TMPRSS15: variants seen among roughly 807,000 people sequenced by gnomAD.
The protein encoded by TMPRSS15 is enteropeptidase.
Under a neutral mutation model 125.3 loss-of-function variants are expected in TMPRSS15, and 128 were observed. The observed-to-expected ratio is 1.02, with a 90% CI of 0.89 to 1.18. The LOEUF is 1.18. TMPRSS15 is among the 50% of genes most tolerant of loss of function. The pLI, the probability that TMPRSS15 is intolerant of heterozygous loss-of-function variation, is 0.00. For synonymous variants in TMPRSS15, 446 were observed against 423.2 expected, an observed-to-expected ratio of 1.05 and a Z score of -0.66; for missense variants, 1,283 against 1,212.7, an observed-to-expected ratio of 1.06 and a Z score of -0.86.
At chr21:18,310,953 T>C (rs1481175560) in intron 18 of TMPRSS15, among the ~76,000 whole-genome samples, 1 of 126,266 alleles carries the variant, frequency 7.9e-6, no homozygotes, top group African/African-American at 3.3e-5. Flanking sequence ...TTTTTTTTTT[T>C]TAACAAAGGC....
chr21:18,301,535 C>T (rs921334495), intron 18 of TMPRSS15, among the ~76,000 whole-genome samples: 9 of 152,176 alleles, frequency 5.9e-5, no homozygotes, highest in Non-Finnish European at 7.3e-5. Flanking sequence ...TATTTAAGCA[C>T]GCACCTGAGG....
rs1284791051 is a variant in TMPRSS15 at position 18,478,043 on chromosome 21, C to T, written c.10+7756G>A. 2.0e-5 allele frequency among the ~76,000 whole-genome samples: 3 copies of T among 152,116 alleles called. No individual in the cohort carries two copies. In the South Asian group the frequency reaches 6.2e-4, roughly 32 times the overall value. On this transcript the variant is annotated intron_variant, in intron 1 of 7. Coordinates refer to the TMPRSS15 transcript ENST00000422787. Reference sequence around the variant, plus strand: ...GAATACATAAAAGTCAATAACTAATCCTACCTTGGGTCCGTAAATGCCCCT... The same window carrying T: ...GAATACATAAAAGTCAATAACTAATTCTACCTTGGGTCCGTAAATGCCCCT...
At chr21:18,361,326 A>T (rs1246598886) in intron 7 of TMPRSS15, among the ~76,000 whole-genome samples, 1 of 152,100 alleles carries the variant, frequency 6.6e-6, no homozygotes, top group Non-Finnish European at 1.5e-5. Context: ...GGAGATGGCT[A>T]AAAGAAATAA....
intron 3 of TMPRSS15, among the ~76,000 whole-genome samples, chr21:18,395,444 A>G (rs1045253252): frequency 6.6e-6 from 1 of 152,216 alleles, no homozygotes; most frequent in African/African-American, 2.4e-5. Context: ...TGAGGAAAGC[A>G]TTAGGTGACA....
intron 15 of TMPRSS15, among the ~76,000 whole-genome samples, chr21:18,326,992 C>T (rs1240604997): frequency 6.6e-6 from 1 of 152,146 alleles, no homozygotes. Flanking sequence ...TAAACCTAAT[C>T]TGAAGGATGG....
intron 21 of TMPRSS15, among the ~76,000 whole-genome samples, chr21:18,283,749 T>C (rs1045300128): frequency 2.6e-5 from 4 of 152,134 alleles, no homozygotes; most frequent in African/African-American, 7.2e-5. Flanking sequence ...TGCAGTTTAT[T>C]TGATATAGAT....
At chr21:18,413,103 G>A (rs560742338) in intron 1 of TMPRSS15, among the ~76,000 whole-genome samples, 56 of 152,090 alleles carry the variant, frequency 3.7e-4, no homozygotes, top group Non-Finnish European at 6.8e-4. Context: ...GTTTAGATGT[G>A]GTCATGTGTA....
At chr21:18,467,399 G>T (rs943100790) in intron 1 of TMPRSS15, among the ~76,000 whole-genome samples, 10 of 141,918 alleles carry the variant, frequency 7.0e-5, no homozygotes, top group African/African-American at 3.0e-4. Context: ...AGAATGAAAA[G>T]TATAATAATA....
At chr21:18,470,819 A>G (rs962767649) in intron 1 of TMPRSS15, among the ~76,000 whole-genome samples, 4 of 152,210 alleles carry the variant, frequency 2.6e-5, no homozygotes, top group South Asian at 2.1e-4. Context: ...GCCTCAAAAT[A>G]TAGTATAAAA....
chr21:18,440,943 T>C (rs1436012930), intron 1 of TMPRSS15, among the ~76,000 whole-genome samples: 1 of 152,210 alleles, frequency 6.6e-6, no homozygotes, highest in Non-Finnish European at 1.5e-5. Flanking sequence ...AGCAATTGTT[T>C]AGATGAGCTA....
intron 7 of TMPRSS15, among the ~76,000 whole-genome samples, chr21:18,362,448 C>T (rs1367173938): frequency 1.3e-5 from 2 of 152,052 alleles, no homozygotes; most frequent in Non-Finnish European, 2.9e-5. Flanking sequence ...TCTGCTTTTC[C>T]AAAATAGATA....
chr21:18,347,766 T>G (rs574193226), intron 10 of TMPRSS15, among the ~76,000 whole-genome samples: 3 of 152,304 alleles, frequency 2.0e-5, no homozygotes, highest in African/African-American at 7.2e-5. Context: ...CAAAAATAAT[T>G]TCTTCTAAAA....
At chr21:18,417,929 T>C (rs867949176) in intron 1 of TMPRSS15, among the ~76,000 whole-genome samples, 31 of 152,276 alleles carry the variant, frequency 2.0e-4, no homozygotes, top group Middle Eastern at 3.4e-3. Flanking sequence ...ACTTGGAATA[T>C]AATTGCCAGA....
chr21:18,303,667 G>GA (rs1255309865), intron 18 of TMPRSS15, among the ~76,000 whole-genome samples: 1 of 152,046 alleles, frequency 6.6e-6, no homozygotes, highest in Non-Finnish European at 1.5e-5. Context: ...TGTCTTGGGT[G>GA]AAAACATACT....
intron 24 of TMPRSS15, among the ~76,000 whole-genome samples, chr21:18,271,091 C>G (rs1482914078): frequency 1.3e-5 from 2 of 151,890 alleles, no homozygotes; most frequent in Non-Finnish European, 2.9e-5. Flanking sequence ...ACCCTTTTTT[C>G]CCCTCCATAC....
At chr21:18,272,007 G>A (rs1169162428) in intron 24 of TMPRSS15, among the ~76,000 whole-genome samples, 1 of 152,194 alleles carries the variant, frequency 6.6e-6, no homozygotes, top group African/African-American at 2.4e-5. Context: ...TTGGTTCCAA[G>A]TCTTTGCTAT....
chr21:18,355,844 C>G (rs1027344847), intron 8 of TMPRSS15, among the ~76,000 whole-genome samples: 1 of 151,960 alleles, frequency 6.6e-6, no homozygotes, highest in Non-Finnish European at 1.5e-5. Flanking sequence ...TTAATGCTTT[C>G]TGTGCCTCTG....
intron 18 of TMPRSS15, among the ~76,000 whole-genome samples, chr21:18,300,744 T>C (rs1401571640): frequency 6.6e-6 from 1 of 152,218 alleles, no homozygotes; most frequent in African/African-American, 2.4e-5. Flanking sequence ...TAAGCAAGCC[T>C]ATTTATGACA....
At chr21:18,344,166 A>G in intron 10 of TMPRSS15, 106 bp from the exon 11 acceptor site, 1 of 950,614 alleles carries the variant, frequency 1.1e-6, no homozygotes, top group Admixed American at 2.0e-5. Context: ...AGAAAGGTTA[A>G]GGAAATATAT....
Sources: gnomAD v4.1 joint callset for allele counts (sites outside exome capture counted in the v4.1 genomes callset) on GRCh38, gnomAD v4.1.1 for gene constraint, MANE v1.5 for transcripts, NCBI Gene and HGNC (gene_info 2026-07-23, HGNC 2026-07-21) for gene names.